Variants in NDST1 observed in about 807,000 individuals in gnomAD.
NDST1 encodes N-deacetylase and N-sulfotransferase 1, also known as bifunctional heparan sulfate N-deacetylase/N-sulfotransferase 1.
In NDST1, 35 loss-of-function variants were observed where a neutral mutation model predicts 92.8. The observed-to-expected ratio is 0.38, with a 90% CI of 0.29 to 0.50. NDST1 has a LOEUF of 0.50. Ranked by LOEUF, NDST1 falls within the 20% of genes least tolerant of loss-of-function variation. The pLI is 0.94. For synonymous variants in NDST1, 493 were observed against 500.3 expected, an observed-to-expected ratio of 0.99 and a Z score of 0.19; for missense variants, 822 against 1,182.7, an observed-to-expected ratio of 0.69 and a Z score of 4.47.
rs1200683958 is a variant in NDST1 at position 150,535,730 on chromosome 5, G to A, written c.1282G>A (p.Ala428Thr). 14 of 1,614,116 alleles carry A rather than the reference G, an allele frequency of 8.7e-6. No homozygotes were observed. The highest frequency in any genetic ancestry group is 1.1e-5 in the Non-Finnish European group (13 of 1,180,054). The change falls in exon 6 of 15, where the codon GCA (alanine) becomes ACA (threonine). Residue 428 changes from alanine to threonine, a missense_variant. Ala to Thr is a moderately conservative substitution (Grantham distance 58). Transcript: ENST00000261797. ...TGGCATTCCCACAGACATGGGGTAT[G>A]CAGTGGCGCCCCACCACTCGGGCGT... Reference protein sequence around the residue: ...EHGIPTDMGYAVAPHHSGVYP... With the variant: ...EHGIPTDMGYTVAPHHSGVYP...
chr5:150,507,863 G>C (rs1329245280), upstream of NDST1, among the ~76,000 whole-genome samples: 2 of 152,232 alleles, frequency 1.3e-5, no homozygotes, highest in Non-Finnish European at 2.9e-5. Context: ...CCTTTCCCGT[G>C]GAAGGCTCCT....
Position 150,521,303 on chromosome 5 carries a change from C to T in NDST1, c.49C>T (p.Gln17Ter). The T allele has an allele frequency of 2.5e-6, 4 of 1,612,974 alleles. No homozygotes were observed. The highest frequency in any genetic ancestry group is 3.4e-6 in the Non-Finnish European group (4 of 1,179,924). Residue 17 changes from glutamine (Q) to a stop codon, truncating the protein, a stop_gained, in exon 2 of 15, where the codon CAG becomes TAG. Coordinates refer to ENST00000261797, the MANE Select transcript of NDST1 (RefSeq NM_001543.5). LOFTEE classifies it high-confidence loss of function. The surrounding 1 kb of genome is among the most constrained non-coding windows in gnomAD (Gnocchi z 5.9). ...GAGGCTGTGTCGGCACGTGTCCCCG[C>T]AGGCTGTCCTTTTCCTGCTGTTCAT... The part of the protein sequence containing the change: ...LRRLCRHVSP[Q>*]AVLFLLFIFC...
At chr5:150,504,081 A>G (rs1753346381), upstream of NDST1, among the ~76,000 whole-genome samples, 1 of 151,974 alleles carries the variant, frequency 6.6e-6, no homozygotes, top group African/African-American at 2.4e-5. Flanking sequence ...AATGGGTGGA[A>G]TGTGGCCCCT....
At chr5:150,502,225 C>T (rs1457613265) in intron 1 of NDST1, among the ~76,000 whole-genome samples, 1 of 152,046 alleles carries the variant, frequency 6.6e-6, no homozygotes, top group Non-Finnish European at 1.5e-5. Context: ...GAGGCTGCTG[C>T]AGTCTTGCCA....
chr5:150,505,701 C>T (rs544903758), upstream of NDST1, among the ~76,000 whole-genome samples: 54 of 152,274 alleles, frequency 3.5e-4, no homozygotes, highest in African/African-American at 1.2e-3. Context: ...ATGCTCCCTA[C>T]AGAATAACCC....
chr5:150,546,187 AG>A (rs1457344872), intron 11 of NDST1, among the ~76,000 whole-genome samples: 11 of 152,080 alleles, frequency 7.2e-5, no homozygotes, highest in African/African-American at 2.6e-4. Context: ...TAGTAGAGAC[AG>A]GGTTTCACCA....
intron 10 of NDST1, among the ~76,000 whole-genome samples, chr5:150,544,283 C>T (rs12657104): frequency 0.027 from 4,104 of 152,322 alleles, 152 homozygotes; most frequent in East Asian, 0.16. Context: ...TGAATATTTA[C>T]ACTAAGTAAG....
At chr5:150,540,395 TC>T in intron 8 of NDST1, 131 bp downstream of exon 8, 1 of 983,422 alleles carries the variant, frequency 1.0e-6, no homozygotes, top group Non-Finnish European at 1.5e-6. Flanking sequence ...TAAACTCAGG[TC>T]CCCATCTACT....
At chr5:150,537,178 C>A (rs1755031793) in intron 6 of NDST1, among the ~76,000 whole-genome samples, 1 of 152,164 alleles carries the variant, frequency 6.6e-6, no homozygotes, top group African/African-American at 2.4e-5. Flanking sequence ...TCTCAGGACC[C>A]TGTGATGATT....
intron 3 of NDST1, among the ~76,000 whole-genome samples, chr5:150,531,556 A>T (rs1402926842): frequency 7.1e-6 from 1 of 140,242 alleles, no homozygotes; most frequent in Non-Finnish European, 1.5e-5. Flanking sequence ...GCTGGAGTGC[A>T]GTGACGTTAT....
At chr5:150,531,502 T>C (rs535262226) in intron 3 of NDST1, among the ~76,000 whole-genome samples, 203 of 74,008 alleles carry the variant, frequency 2.7e-3, no homozygotes, top group African/African-American at 5.3e-3. Flanking sequence ...TTTTCTCTCT[T>C]TTTTTTTTTT....
intron 1 of NDST1, among the ~76,000 whole-genome samples, chr5:150,520,175 C>A (rs1051375112): frequency 1.3e-5 from 2 of 152,188 alleles, no homozygotes; most frequent in African/African-American, 4.8e-5. Context: ...ACTTAACGCT[C>A]AGCTACAGCC....
chr5:150,511,515 A>G (rs75303717), intron 1 of NDST1, among the ~76,000 whole-genome samples: 4,090 of 152,306 alleles, frequency 0.027, 186 homozygotes, highest in African/African-American at 0.093. Context: ...GGACCAAGGT[A>G]AATGAGAGTG....
In NDST1 at chr5:150,521,503, G is replaced by A. The variant is rs776941406; in HGVS notation, c.249G>A (p.Pro83=). ...VQAATPSRTD[P]LVLVFVESLY... is the part of the protein sequence containing the mutation. ...CAGCCACCCCTTCCCGCACAGACCC[G>A]TTGGTGCTGGTCTTTGTGGAGAGCC... The change falls in exon 2 of 15, where the codon CCG becomes CCA. Residue 83 remains proline, a synonymous_variant. Coordinates refer to ENST00000261797, the MANE Select transcript of NDST1 (RefSeq NM_001543.5). This position sits in a 1 kb window ranked among gnomAD's most constrained non-coding sequence, Gnocchi z 5.9. 38 of 1,613,884 alleles carry A rather than the reference G, an allele frequency of 2.4e-5. 1 individual carries two copies. Among genetic ancestry groups the A allele is most frequent in the Middle Eastern group, 1.6e-4 (1 of 6,084 alleles).
At chr5:150,536,796 C>T (rs2151290250) in intron 6 of NDST1, among the ~76,000 whole-genome samples, 1 of 152,330 alleles carries the variant, frequency 6.6e-6, no homozygotes, top group East Asian at 1.9e-4. Context: ...AACTCCCAAC[C>T]TCAGGGGATC....
intron 2 of NDST1, among the ~76,000 whole-genome samples, chr5:150,523,993 CT>C (rs1351707048): frequency 6.6e-6 from 1 of 152,200 alleles, no homozygotes; most frequent in African/African-American, 2.4e-5. Flanking sequence ...AACTTCCCCG[CT>C]GTGTGCTGGG....
chr5:150,524,944 G>A (rs991087659), intron 2 of NDST1, among the ~76,000 whole-genome samples: 1 of 152,234 alleles, frequency 6.6e-6, no homozygotes, highest in Non-Finnish European at 1.5e-5. Context: ...CAAGCTTGTT[G>A]TTTCTAACCC....
intron 1 of NDST1, among the ~76,000 whole-genome samples, chr5:150,510,287 A>C (rs1348605968): frequency 1.3e-5 from 2 of 152,122 alleles, no homozygotes; most frequent in Admixed American, 6.5e-5. Context: ...GGAGGTTATG[A>C]TATGTGTTGG....
intron 1 of NDST1, among the ~76,000 whole-genome samples, chr5:150,514,834 T>C (rs533710493): frequency 6.6e-6 from 1 of 152,348 alleles, no homozygotes; most frequent in South Asian, 2.1e-4. Flanking sequence ...GCTCATTCAT[T>C]CATATCCTGA....
Sources: gnomAD v4.1 joint callset for allele counts (sites outside exome capture counted in the v4.1 genomes callset) on GRCh38, gnomAD v4.1.1 for gene constraint, Gnocchi (gnomAD v3.1) non-coding constraint, MANE v1.5 for transcripts, NCBI Gene and HGNC (gene_info 2026-07-23, HGNC 2026-07-21) for gene names.